Variants in DAAM1 observed in about 807,000 individuals in gnomAD.
DAAM1 encodes dishevelled associated activator of morphogenesis 1, also known as disheveled-associated activator of morphogenesis 1.
In DAAM1, 52 loss-of-function variants were observed where a neutral mutation model predicts 130.0. The observed-to-expected ratio is 0.40, with a 90% CI of 0.32 to 0.50. DAAM1 has a LOEUF of 0.50. Among genes scored for constraint, DAAM1 ranks in the 20% least tolerant of loss-of-function variants. The pLI, the probability that DAAM1 is intolerant of heterozygous loss-of-function variation, is 0.61. For synonymous variants in DAAM1, 452 were observed against 444.5 expected (o/e 1.02, Z -0.21); for missense variants, 1,134 against 1,303.8 (o/e 0.87, Z 2.01).
At chr14:59,239,708 G>C (rs1194550887) in intron 1 of DAAM1, among the ~76,000 whole-genome samples, 1 of 152,152 alleles carries the variant, frequency 6.6e-6, no homozygotes, top group African/African-American at 2.4e-5. Context: ...TGTGGATGGA[G>C]TTGGACGTGA....
chr14:59,344,208 T>C (rs899509250), intron 16 of DAAM1, among the ~76,000 whole-genome samples: 18 of 152,166 alleles, frequency 1.2e-4, no homozygotes, highest in African/African-American at 4.1e-4. Flanking sequence ...AAAGCTACTC[T>C]AAAGTAGGGG....
intron 1 of DAAM1, among the ~76,000 whole-genome samples, chr14:59,257,333 A>G (rs1415824486): frequency 6.6e-6 from 1 of 152,056 alleles, no homozygotes; most frequent in Non-Finnish European, 1.5e-5. Context: ...CTAAAACTTA[A>G]TCCCTGCCAT....
intron 1 of DAAM1, among the ~76,000 whole-genome samples, chr14:59,224,336 G>A (rs1888869943): frequency 6.6e-6 from 1 of 152,220 alleles, no homozygotes; most frequent in African/African-American, 2.4e-5. Flanking sequence ...AGCTGAATTG[G>A]AAGATATGGT....
In DAAM1 at chr14:59,209,450, T is replaced by TA. The variant is rs1454097352; in HGVS notation, c.-38+20683dup. On this transcript the variant is annotated intron_variant, in intron 1 of 24. Transcript: ENST00000360909. ...CTAAAAGGAAAGATGGTCCCCGACT[T>TA]ACGATGGTTCCACTTGCAGTTTTTT... Among the ~76,000 whole-genome samples the TA allele has an allele frequency of 2.0e-5, 3 of 152,210 alleles. No homozygotes were observed. In the East Asian group the frequency reaches 5.8e-4, roughly 29 times the overall value.
chr14:59,227,433 G>T (rs1453234700), intron 1 of DAAM1, among the ~76,000 whole-genome samples: 1 of 152,204 alleles, frequency 6.6e-6, no homozygotes, highest in African/African-American at 2.4e-5. Flanking sequence ...TGTGAGACCT[G>T]TGTTTGTGTG....
chr14:59,355,654 T>C (rs1224495530), intron 20 of DAAM1, among the ~76,000 whole-genome samples: 1 of 152,098 alleles, frequency 6.6e-6, no homozygotes, highest in African/African-American at 2.4e-5. Flanking sequence ...CTTTTTATTA[T>C]AATATACTAA....
At chr14:59,322,439 T>C (rs12148031) in intron 5 of DAAM1, among the ~76,000 whole-genome samples, 24,359 of 151,684 alleles carry the variant, frequency 0.16, 2,433 homozygotes, top group East Asian at 0.33. Flanking sequence ...GAAGGATCAC[T>C]TGAGCCCAAG....
At chr14:59,214,025 G>T (rs1393959670) in intron 1 of DAAM1, among the ~76,000 whole-genome samples, 1 of 152,146 alleles carries the variant, frequency 6.6e-6, no homozygotes, top group East Asian at 1.9e-4. Context: ...CACACTTAAC[G>T]TACCTGGTTT....
intron 19 of DAAM1, 87 bp downstream of exon 19, chr14:59,354,051 T>TC: frequency 8.0e-7 from 1 of 1,246,180 alleles, no homozygotes; most frequent in Non-Finnish European, 1.1e-6. Flanking sequence ...GTAAACAAGA[T>TC]CCCCTTGGTG....
intron 1 of DAAM1, among the ~76,000 whole-genome samples, chr14:59,262,863 C>G (rs1347234295): frequency 6.6e-6 from 1 of 152,188 alleles, no homozygotes; most frequent in Non-Finnish European, 1.5e-5. Flanking sequence ...GTGCAGGGCA[C>G]TAGGCCCACA....
At chr14:59,263,699 C>T in intron 2 of DAAM1, 39 bp downstream of exon 2, 1 of 1,591,124 alleles carries the variant, frequency 6.3e-7, no homozygotes, top group African/African-American at 1.5e-5. Context: ...GGTGGGGAGC[C>T]AGAGAAGGAG....
intron 2 of DAAM1, among the ~76,000 whole-genome samples, chr14:59,269,588 A>G (rs541707732): frequency 3.9e-5 from 6 of 152,260 alleles, no homozygotes; most frequent in Admixed American, 3.3e-4. Flanking sequence ...TTTGATTTCT[A>G]TTGGCTTGAT....
intron 1 of DAAM1, among the ~76,000 whole-genome samples, chr14:59,230,923 T>C (rs1355186587): frequency 6.6e-6 from 1 of 152,202 alleles, no homozygotes. Context: ...CATGTGGGAT[T>C]CGTTCCACTA....
chr14:59,288,897 TTTTG>T (rs565466164), intron 2 of DAAM1, among the ~76,000 whole-genome samples: 41 of 146,320 alleles, frequency 2.8e-4, no homozygotes, highest in South Asian at 1.3e-3. Context: ...CTGTTGTTGT[TTTTG>T]TTTGTTTGTT....
At chr14:59,336,297 A>G (rs751282413) in intron 15 of DAAM1, among the ~76,000 whole-genome samples, 2 of 152,204 alleles carry the variant, frequency 1.3e-5, no homozygotes, top group African/African-American at 4.8e-5. Context: ...CCAACTTCCT[A>G]TTTATACTCC....
intron 1 of DAAM1, among the ~76,000 whole-genome samples, chr14:59,205,585 G>A (rs1420805725): frequency 6.6e-6 from 1 of 152,122 alleles, no homozygotes; most frequent in African/African-American, 2.4e-5. Context: ...TGAAATAATT[G>A]CTTTTTTACA....
At chr14:59,319,172 T>A (rs1246300690) in intron 4 of DAAM1, among the ~76,000 whole-genome samples, 11 of 152,196 alleles carry the variant, frequency 7.2e-5, no homozygotes, top group Admixed American at 7.2e-4. Flanking sequence ...CCCAGCTTCC[T>A]TACTCACCAT....
intron 17 of DAAM1, among the ~76,000 whole-genome samples, chr14:59,348,636 G>A (rs1334848822): frequency 2.0e-5 from 3 of 152,210 alleles, no homozygotes; most frequent in African/African-American, 7.2e-5. Context: ...CTGAACTCCA[G>A]GTTGCATCTG....
chr14:59,366,454 A>T (rs1547199), intron 23 of DAAM1, among the ~76,000 whole-genome samples: 72,529 of 151,946 alleles, frequency 0.48, 17,856 homozygotes, highest in East Asian at 0.84. Flanking sequence ...TATTGACCAT[A>T]TGGCACCAGT....
Sources: allele counts gnomAD v4.1 joint callset (sites outside exome capture counted in the v4.1 genomes callset), GRCh38; gene constraint gnomAD v4.1.1; transcripts MANE v1.5; gene names NCBI Gene and HGNC (gene_info 2026-07-23, HGNC 2026-07-21).